KCNB2: variants seen among roughly 807,000 people sequenced by gnomAD.
KCNB2 encodes potassium voltage-gated channel subfamily B member 2.
A neutral mutation model predicts 61.5 loss-of-function variants in KCNB2; 15 were observed. The ratio of observed to expected loss-of-function variants is 0.24; its 90% CI spans 0.16 to 0.38. The LOEUF is 0.38. KCNB2 is among the 10% of genes least tolerant of loss of function. The probability of loss-of-function intolerance (pLI) is 1.00; values close to 1 mark genes in which losing one functional copy is unlikely to be tolerated. For missense variants in KCNB2, 828 were observed against 1,125.2 expected, an observed-to-expected ratio of 0.74 and a Z score of 3.78; for synonymous variants, 457 against 446.0, an observed-to-expected ratio of 1.02 and a Z score of -0.31.
intron 2 of KCNB2, among the ~76,000 whole-genome samples, chr8:72,613,328 G>T (rs932191076): frequency 6.6e-6 from 1 of 152,118 alleles, no homozygotes; most frequent in South Asian, 2.1e-4. Flanking sequence ...AGTCCTTAGG[G>T]AACCTGCCAC....
At chr8:72,902,504 T>C (rs1806107360) in intron 2 of KCNB2, among the ~76,000 whole-genome samples, 1 of 152,170 alleles carries the variant, frequency 6.6e-6, no homozygotes, top group East Asian at 1.9e-4. Flanking sequence ...ACTGAAATGC[T>C]AGGGCATTAG....
chr8:72,812,966 T>C (rs905685990), intron 2 of KCNB2, among the ~76,000 whole-genome samples: 1 of 152,190 alleles, frequency 6.6e-6, no homozygotes. Flanking sequence ...GGGAACTAGA[T>C]GCTCTTTAAC....
In KCNB2 at chr8:72,859,706, C is replaced by CTTTTTT. The variant is rs1810264452; in HGVS notation, c.580-76229_580-76228insTTTTTT. Among the ~76,000 whole-genome samples, 487 of 73,438 alleles carry CTTTTTT rather than the reference C, an allele frequency of 6.6e-3. 174 individuals carry two copies. The highest frequency in any genetic ancestry group is 0.02 in the African/African-American group (343 of 17,014). The allele number at this position is 73,438 out of a possible 152,430, so 48.2% of individuals were successfully genotyped here. A position where few individuals can be genotyped will look rare whatever the true frequency, so the allele number is the denominator to read the frequency against. ...TGTAGCATGGATCAGTACTTCATTT[C>CTTTTTT]GTTTTTTTTTTTTTTTTTTTTTTTT... On this transcript the variant is annotated intron_variant, in intron 2 of 2. Coordinates refer to ENST00000523207, the MANE Select transcript of KCNB2 (RefSeq NM_004770.3).
At chr8:72,921,294 T>A (rs56788767) in intron 2 of KCNB2, among the ~76,000 whole-genome samples, 5,744 of 152,206 alleles carry the variant, frequency 0.038, 355 homozygotes, top group African/African-American at 0.13. Context: ...CTACTTTTTT[T>A]AAAAAATGCT....
intron 2 of KCNB2, among the ~76,000 whole-genome samples, chr8:72,584,594 A>C (rs1328211122): frequency 6.6e-6 from 1 of 152,204 alleles, no homozygotes; most frequent in Non-Finnish European, 1.5e-5. Context: ...GATTCACCCA[A>C]TGATAACATA....
rs780239761 is a variant in KCNB2, at chr8:72,936,787, A to G, written c.1432A>G (p.Thr478Ala). 10 of 1,614,076 alleles carry G rather than the reference A, an allele frequency of 6.2e-6. No individual in the cohort carries two copies. The Admixed American group carries it at 1.7e-4, about 27-fold the overall frequency. Reference protein sequence around the residue: ...AVEKAGESANTKDSADDNHLS... With the variant: ...AVEKAGESANAKDSADDNHLS... ...TGAGAAGGCCGGAGAGTCCGCCAAC[A>G]CAAAGGACTCCGCCGACGATAATCA... is the stretch of plus-strand genomic sequence containing the variant. The change falls in exon 3 of 3, where the codon ACA becomes GCA. Residue 478 changes from threonine to alanine, a missense_variant. Thr to Ala is a moderately conservative substitution (Grantham distance 58). Coordinates refer to ENST00000523207, the MANE Select transcript of KCNB2 (RefSeq NM_004770.3). This position sits in a 1 kb window ranked among gnomAD's most constrained non-coding sequence, Gnocchi z 5.6.
At chr8:72,901,706 C>G (rs1490897814) in intron 2 of KCNB2, among the ~76,000 whole-genome samples, 1 of 152,126 alleles carries the variant, frequency 6.6e-6, no homozygotes, top group Non-Finnish European at 1.5e-5. Context: ...CATTTTATCT[C>G]TGGGTTAGAT....
chr8:72,926,698 A>G (rs186710653), intron 2 of KCNB2, among the ~76,000 whole-genome samples: 7 of 152,266 alleles, frequency 4.6e-5, no homozygotes, highest in Non-Finnish European at 8.8e-5. Flanking sequence ...TTCCTGGTAA[A>G]TTTTATCATA....
chr8:72,576,690 T>G (rs13262903), intron 2 of KCNB2, among the ~76,000 whole-genome samples: 1 of 152,222 alleles, frequency 6.6e-6, no homozygotes, highest in Non-Finnish European at 1.5e-5. Flanking sequence ...TTGCACTTAC[T>G]GTATCTATCA....
chr8:72,725,904 CT>C (rs562670515), intron 2 of KCNB2, among the ~76,000 whole-genome samples: 167 of 152,110 alleles, frequency 1.1e-3, no homozygotes, highest in Middle Eastern at 3.4e-3. Context: ...AGCACATACC[CT>C]TTTGTCCAAC....
At chr8:72,586,492 C>T (rs1306657601) in intron 2 of KCNB2, among the ~76,000 whole-genome samples, 2 of 152,162 alleles carry the variant, frequency 1.3e-5, no homozygotes, top group Admixed American at 1.3e-4. Flanking sequence ...AAAGAAAAAT[C>T]TCTCAATAGA....
chr8:72,541,228 T>C (rs1217242434), intron 1 of KCNB2, among the ~76,000 whole-genome samples: 1 of 151,768 alleles, frequency 6.6e-6, no homozygotes. Context: ...ATGTAGAGTA[T>C]TATGATTATA....
intron 2 of KCNB2, among the ~76,000 whole-genome samples, chr8:72,924,987 C>T (rs1806609709): frequency 6.6e-6 from 1 of 152,200 alleles, no homozygotes. Context: ...TCCATTTCAG[C>T]ATGGCCGTCC....
intron 2 of KCNB2, among the ~76,000 whole-genome samples, chr8:72,618,365 A>G (rs1563540038): frequency 2.6e-5 from 4 of 152,208 alleles, no homozygotes. Context: ...CACCCTAAGT[A>G]TTAGTTTAAA....
At chr8:72,608,535 G>A (rs571868898) in intron 2 of KCNB2, among the ~76,000 whole-genome samples, 2 of 152,258 alleles carry the variant, frequency 1.3e-5, no homozygotes, top group Admixed American at 1.3e-4. Flanking sequence ...TGGAACTGGA[G>A]ATGGGGAAGT....
At chr8:72,610,249 T>C (rs1321963157) in intron 2 of KCNB2, among the ~76,000 whole-genome samples, 2 of 152,170 alleles carry the variant, frequency 1.3e-5, no homozygotes, top group Non-Finnish European at 2.9e-5. Context: ...CCCCTCAGCA[T>C]GAAGGGTTTA....
At chr8:72,733,504 G>A (rs1459277547) in intron 2 of KCNB2, among the ~76,000 whole-genome samples, 2 of 152,090 alleles carry the variant, frequency 1.3e-5, no homozygotes, top group South Asian at 2.1e-4. Flanking sequence ...TTAAATATAT[G>A]CCCTTGAATA....
chr8:72,852,064 G>T (rs1810125805), intron 2 of KCNB2, among the ~76,000 whole-genome samples: 1 of 115,700 alleles, frequency 8.6e-6, no homozygotes. Flanking sequence ...GGGAGACCCT[G>T]TTTCTAAAAA....
chr8:72,681,670 A>G (rs1806758372), intron 2 of KCNB2, among the ~76,000 whole-genome samples: 1 of 152,252 alleles, frequency 6.6e-6, no homozygotes, highest in Non-Finnish European at 1.5e-5. Context: ...TTTAATATAA[A>G]GTATTATGTA....
Sources: allele counts gnomAD v4.1 joint callset (sites outside exome capture counted in the v4.1 genomes callset), GRCh38; gene constraint gnomAD v4.1.1; non-coding constraint Gnocchi (gnomAD v3.1); transcripts MANE v1.5; gene names NCBI Gene and HGNC (gene_info 2026-07-23, HGNC 2026-07-21).